The following TOX2 variants were observed in gnomAD, a reference collection of about 807,000 sequenced individuals.
TOX2 encodes the protein granulosa cell HMG box 1.
A neutral mutation model predicts 47.4 loss-of-function variants in TOX2; 15 were observed. The observed-to-expected ratio is 0.32, with a 90% confidence interval of 0.21 to 0.49. The LOEUF (loss-of-function observed/expected upper bound fraction) is 0.49. Ranked by LOEUF, TOX2 falls within the 20% of genes least tolerant of loss-of-function variation. The pLI, the probability that TOX2 is intolerant of heterozygous loss-of-function variation, is 0.99. For synonymous variants in TOX2, 290 were observed against 296.6 expected (o/e 0.98, Z 0.23); for missense variants, 622 against 673.1 (o/e 0.92, Z 0.84).
intron 2 of TOX2, among the ~76,000 whole-genome samples, chr20:43,980,155 G>C (rs572429084): frequency 1.3e-5 from 2 of 152,354 alleles, no homozygotes; most frequent in Admixed American, 1.3e-4. Context: ...TGGGTAAAGA[G>C]AATGTGGTAT....
intron 2 of TOX2, among the ~76,000 whole-genome samples, chr20:43,976,782 G>GCACA (rs11086916): frequency 0.16 from 23,553 of 146,470 alleles, 2,179 homozygotes; most frequent in Admixed American, 0.29. Flanking sequence ...GAGCGCGCGC[G>GCACA]CACACACACA....
intron 1 of TOX2, among the ~76,000 whole-genome samples, chr20:43,954,145 C>T (rs1389843896): frequency 6.6e-6 from 1 of 152,170 alleles, no homozygotes; most frequent in Non-Finnish European, 1.5e-5. Flanking sequence ...GTCCTTGCCT[C>T]GCCCCTCTGC....
chr20:44,053,485 CACATATATATACAG>C (rs2071556019), intron 4 of TOX2, among the ~76,000 whole-genome samples: 3 of 146,668 alleles, frequency 2.0e-5, no homozygotes, highest in Admixed American at 6.8e-5. Context: ...TATATATACA[CACATATATATACAG>C]ACATATATAT....
At chr20:43,972,788 A>G (rs1375090376) in intron 1 of TOX2, among the ~76,000 whole-genome samples, 1 of 152,256 alleles carries the variant, frequency 6.6e-6, no homozygotes, top group Non-Finnish European at 1.5e-5. Flanking sequence ...GCTTCTCTGC[A>G]CACAGGATAT....
chr20:43,982,307 C>T (rs564168409), intron 2 of TOX2, among the ~76,000 whole-genome samples: 42 of 152,084 alleles, frequency 2.8e-4, no homozygotes, highest in African/African-American at 8.0e-4. Flanking sequence ...AATGAGCTCC[C>T]GGTGCTTGTG....
At chr20:44,020,724 C>G (rs1477064869) in intron 3 of TOX2, among the ~76,000 whole-genome samples, 1 of 152,222 alleles carries the variant, frequency 6.6e-6, no homozygotes, top group African/African-American at 2.4e-5. Context: ...GCAGCCCATG[C>G]CTAACCACGC....
intron 3 of TOX2, among the ~76,000 whole-genome samples, chr20:44,050,130 A>G (rs1479911629): frequency 6.6e-6 from 1 of 152,258 alleles, no homozygotes; most frequent in Admixed American, 6.5e-5. Flanking sequence ...GAATATGTCA[A>G]TTATTTCACA....
intron 2 of TOX2, among the ~76,000 whole-genome samples, chr20:43,987,891 A>AAATGTTTG (rs1271106388): frequency 6.7e-6 from 1 of 149,618 alleles, no homozygotes; most frequent in African/African-American, 2.5e-5. Context: ...GAGTTTTAGG[A>AAATGTTTG]AATGTTTGAA....
chr20:43,930,065 C>T (rs1440852996), intron 1 of TOX2, among the ~76,000 whole-genome samples: 1 of 152,170 alleles, frequency 6.6e-6, no homozygotes, highest in African/African-American at 2.4e-5. Flanking sequence ...TGGTTGCTCC[C>T]CCTTCAGGAT....
intron 3 of TOX2, among the ~76,000 whole-genome samples, chr20:44,012,814 G>C (rs928102715): frequency 6.6e-6 from 1 of 152,202 alleles, no homozygotes; most frequent in Non-Finnish European, 1.5e-5. Context: ...GGCCTAAGGG[G>C]GCTCAAATAC....
intron 8 of TOX2, 35 bp from the exon 9 acceptor site, chr20:44,068,615 C>A: frequency 1.3e-6 from 2 of 1,599,252 alleles, no homozygotes; most frequent in Non-Finnish European, 1.7e-6. Flanking sequence ...GGAGAGGTAC[C>A]CAACAGCTTT....
chr20:44,041,773 T>G (rs1011775341), intron 3 of TOX2, among the ~76,000 whole-genome samples: 2 of 152,214 alleles, frequency 1.3e-5, no homozygotes, highest in Non-Finnish European at 2.9e-5. Context: ...TTAATTTTAT[T>G]AAATAGGTCC....
chr20:43,919,770 G>A (rs1254292523), intron 1 of TOX2, among the ~76,000 whole-genome samples: 8 of 152,156 alleles, frequency 5.3e-5, no homozygotes, highest in Non-Finnish European at 7.3e-5. Context: ...GAGAACATGC[G>A]GTGTTTGGTT....
intron 1 of TOX2, among the ~76,000 whole-genome samples, chr20:43,944,471 A>G (rs2069440051): frequency 6.6e-6 from 1 of 152,214 alleles, no homozygotes; most frequent in East Asian, 1.9e-4. Context: ...CATTCCAGGC[A>G]GAGGGAACAG....
chr20:44,048,388 T>TTATA (rs11472862), intron 3 of TOX2, among the ~76,000 whole-genome samples: 18,834 of 86,462 alleles, frequency 0.22, 3,055 homozygotes, highest in East Asian at 0.37. Context: ...TAAAATGAAT[T>TTATA]TATATATATA....
intron 5 of TOX2, 149 bp from the exon 6 acceptor site, chr20:44,064,628 A>T: frequency 1.4e-6 from 1 of 708,490 alleles, no homozygotes; most frequent in South Asian, 1.7e-5. Flanking sequence ...GCTCCCAGAA[A>T]GGGGCCAGTG....
intron 3 of TOX2, among the ~76,000 whole-genome samples, chr20:44,048,600 A>G (rs1022751922): frequency 2.0e-5 from 3 of 151,550 alleles, no homozygotes; most frequent in African/African-American, 7.3e-5. Flanking sequence ...GAAGAGTTCA[A>G]TTTCTAAAGC....
At chr20:43,928,988 A>AAAAAAAAAAAAAAAAAAAAAAAAAC (rs2069215269) in intron 1 of TOX2, among the ~76,000 whole-genome samples, 1 of 150,218 alleles carries the variant, frequency 6.7e-6, no homozygotes, top group African/African-American at 2.5e-5. Context: ...TATGAAAAAA[A>AAAAAAAAAAAAAAAAAAAAAAAAAC]AAAAAAAAAA....
chr20:43,953,705 A>T (rs767038454), intron 1 of TOX2, among the ~76,000 whole-genome samples: 3 of 152,100 alleles, frequency 2.0e-5, no homozygotes, highest in Non-Finnish European at 2.9e-5. Context: ...GGGGCTGGAG[A>T]AATCAGCAGG....
Sources: gnomAD v4.1 joint callset for allele counts (sites outside exome capture counted in the v4.1 genomes callset) on GRCh38, gnomAD v4.1.1 for gene constraint, MANE v1.5 for transcripts, NCBI Gene and HGNC (gene_info 2026-07-23, HGNC 2026-07-21) for gene names.